The following ST3GAL2 variants were observed in gnomAD, a reference collection of about 807,000 sequenced individuals.
ST3GAL2 encodes CMP-N-acetylneuraminate-beta-galactosamide-alpha-2,3-sialyltransferase 2.
A neutral mutation model predicts 37.5 loss-of-function variants in ST3GAL2; 16 were observed. The ratio of observed to expected loss-of-function variants is 0.43; its 90% CI spans 0.29 to 0.65. The LOEUF (loss-of-function observed/expected upper bound fraction) is 0.65. ST3GAL2 is among the 30% of genes least tolerant of loss of function. The probability of loss-of-function intolerance (pLI) is 0.17; values close to 1 mark genes in which losing one functional copy is unlikely to be tolerated. For missense variants in ST3GAL2, 383 were observed against 487.8 expected (o/e 0.79, Z 2.02); for synonymous variants, 238 against 202.9 (o/e 1.17, Z -1.47).
chr16:70,419,893 AAT>A (rs1405895203), intron 1 of ST3GAL2, among the ~76,000 whole-genome samples: 7 of 152,142 alleles, frequency 4.6e-5, no homozygotes, highest in African/African-American at 1.7e-4. Flanking sequence ...GGGGCCAGGC[AAT>A]ATGATGACAG....
intron 1 of ST3GAL2, among the ~76,000 whole-genome samples, chr16:70,426,452 G>A (rs147181111): frequency 1.5e-3 from 229 of 151,582 alleles, no homozygotes; most frequent in Non-Finnish European, 2.6e-3. Context: ...CGCCTGCCTC[G>A]GCCTCCCAAA....
rs540400494 is a variant in ST3GAL2, at chr16:70,395,001, C to T, written c.514G>A (p.Gly172Arg). 59 of 1,613,438 alleles carry T rather than the reference C, an allele frequency of 3.7e-5. No individual in the cohort carries two copies. Among genetic ancestry groups the T allele is most frequent in the Non-Finnish European group, 4.3e-5 (51 of 1,179,828 alleles). ...GCTCACCTCATGATGAAGTTGTGCC[C>T]GTCCACGTCCTGCCCATAGCCAGAG... ...RGSGYGQDVD[G>R]HNFIMRMNQA... The change falls in exon 3 of 7, where the codon GGG becomes AGG. Residue 172 changes from glycine to arginine, a missense_variant. Gly to Arg is a moderately radical substitution (Grantham distance 125, BLOSUM62 -2). Transcript: ENST00000342907.
rs2047847907 is a variant in ST3GAL2 at position 70,438,940 on chromosome 16, C to A, written c.-1004+9G>T. On this transcript the variant is annotated intron_variant, in intron 1 of 6. Transcript: ENST00000342907. ...CTGCATCCCGCCCGCCCTCATCCCA[C>A]CCGCGCACCTCAGTCAGCGCCCGGC... is the stretch of plus-strand genomic sequence containing the variant. The A allele has an allele frequency of 6.7e-6, 1 of 150,240 alleles. No homozygotes were observed. Among genetic ancestry groups the A allele is most frequent in the Non-Finnish European group, 1.5e-5 (1 of 66,988 alleles). The allele number at this position is 150,240 out of a possible 1,614,324, so 9.3% of individuals were successfully genotyped here.
At chr16:70,438,653 G>A (rs1299479172) in intron 1 of ST3GAL2, among the ~76,000 whole-genome samples, 1 of 152,026 alleles carries the variant, frequency 6.6e-6, no homozygotes, top group African/African-American at 2.4e-5. Flanking sequence ...TCCGAGGGCT[G>A]GGGCTGGGGC....
chr16:70,392,484 G>A (rs2047488455), intron 3 of ST3GAL2, among the ~76,000 whole-genome samples: 1 of 152,208 alleles, frequency 6.6e-6, no homozygotes, highest in Non-Finnish European at 1.5e-5. Flanking sequence ...GATGTTGGCT[G>A]CCTAGTCCCC....
At chr16:70,426,156 T>G (rs1373527183) in intron 1 of ST3GAL2, among the ~76,000 whole-genome samples, 1 of 151,248 alleles carries the variant, frequency 6.6e-6, no homozygotes, top group African/African-American at 2.4e-5. Context: ...TTGCTCATCT[T>G]GCAATGCATT....
chr16:70,382,508 T>A (rs1301870011), intron 6 of ST3GAL2, among the ~76,000 whole-genome samples: 1 of 152,060 alleles, frequency 6.6e-6, no homozygotes, highest in Non-Finnish European at 1.5e-5. Context: ...GGTCTTGAAC[T>A]CCTGACCTCA....
chr16:70,404,390 TG>T (rs1339542154), intron 1 of ST3GAL2, among the ~76,000 whole-genome samples: 3 of 152,178 alleles, frequency 2.0e-5, no homozygotes, highest in Non-Finnish European at 4.4e-5. Context: ...AGGGCAGTGG[TG>T]ACCTTCACAA....
At chr16:70,386,483 G>A (rs901688358) in intron 4 of ST3GAL2, among the ~76,000 whole-genome samples, 3 of 151,900 alleles carry the variant, frequency 2.0e-5, no homozygotes, top group East Asian at 1.9e-4. Flanking sequence ...GACTCACCAC[G>A]CCTGGCCGGC....
chr16:70,438,642 T>G (rs1342894540), intron 1 of ST3GAL2, among the ~76,000 whole-genome samples: 1 of 151,380 alleles, frequency 6.6e-6, no homozygotes, highest in Non-Finnish European at 1.5e-5. Context: ...CAGAGAGCTC[T>G]TCCGAGGGCT....
intron 1 of ST3GAL2, among the ~76,000 whole-genome samples, chr16:70,401,728 C>T (rs2047556671): frequency 6.6e-6 from 1 of 152,154 alleles, no homozygotes; most frequent in Non-Finnish European, 1.5e-5. Flanking sequence ...CCCAATGGCT[C>T]ATGCCTATAA....
intron 4 of ST3GAL2, among the ~76,000 whole-genome samples, chr16:70,383,885 C>A (rs2047423720): frequency 6.6e-6 from 1 of 151,528 alleles, no homozygotes; most frequent in Admixed American, 6.6e-5. Context: ...TGGGGCCTTC[C>A]CTAGACCAGC....
In ST3GAL2 at chr16:70,381,629, T is replaced by TCCCGGGC; in HGVS notation, c.*53_*59dup. ...TTGGTCGCGGGTTGCTGGTCCTGGG[T>TCCCGGGC]CCCGGGCCGGAGCCCCGGTGCCCGA... On this transcript the variant is annotated 3_prime_UTR_variant, in exon 7 of 7. Transcript: ENST00000342907. 1 of 1,578,534 alleles carries TCCCGGGC rather than the reference T, an allele frequency of 6.3e-7. No homozygotes were observed. The highest frequency in any genetic ancestry group is 8.6e-7 in the Non-Finnish European group (1 of 1,162,730).
chr16:70,434,611 T>C (rs563696935), intron 1 of ST3GAL2, among the ~76,000 whole-genome samples: 71 of 142,432 alleles, frequency 5.0e-4, no homozygotes, highest in Middle Eastern at 3.4e-3. Flanking sequence ...GTAAGTTCTG[T>C]AAGTCTCAGT....
chr16:70,394,794 C>T (rs939293925), intron 3 of ST3GAL2, among the ~76,000 whole-genome samples, 188 bp downstream of exon 3: 17 of 152,238 alleles, frequency 1.1e-4, no homozygotes, highest in Admixed American at 3.3e-4. Flanking sequence ...ATTTGGGATT[C>T]TGTCTCCCCA....
intron 1 of ST3GAL2, among the ~76,000 whole-genome samples, chr16:70,430,484 G>A (rs1567678491): frequency 6.6e-6 from 1 of 152,220 alleles, no homozygotes; most frequent in Non-Finnish European, 1.5e-5. Flanking sequence ...TGCTTCCCAT[G>A]CCACAGCCTC....
rs201715178 is a variant in ST3GAL2, at chr16:70,388,399, G to A, written c.681C>T (p.Ile227=). 3.2e-5 allele frequency: 51 copies of A among 1,614,168 alleles called. No individual in the cohort carries two copies. Among genetic ancestry groups the A allele is most frequent in the African/African-American group, 5.3e-5 (4 of 75,034 alleles). ...TCTGCCCCGTGGACAAGGCGCTGGC[G>A]ATCCACAGAAGGTCCAGGACCTTGA... ...VPFKVLDLLW[I]ASALSTGQIR... Residue 227 remains isoleucine (I), a synonymous_variant, in exon 4 of 7, where the codon ATC becomes ATT. Coordinates refer to ENST00000342907, the MANE Select transcript of ST3GAL2 (RefSeq NM_006927.4).
At chr16:70,418,205 T>C (rs367870275) in intron 1 of ST3GAL2, among the ~76,000 whole-genome samples, 2 of 152,190 alleles carry the variant, frequency 1.3e-5, no homozygotes, top group South Asian at 2.1e-4. Flanking sequence ...ACTGACCCCT[T>C]AGCCAAGCCC....
intron 1 of ST3GAL2, among the ~76,000 whole-genome samples, chr16:70,424,088 G>A (rs1052829894): frequency 2.5e-4 from 37 of 150,068 alleles, no homozygotes; most frequent in Admixed American, 1.3e-4. Flanking sequence ...AACAAAAAAA[G>A]CCATTCTCCT....
Sources: gnomAD v4.1 joint callset for allele counts (sites outside exome capture counted in the v4.1 genomes callset) on GRCh38, gnomAD v4.1.1 for gene constraint, MANE v1.5 for transcripts, NCBI Gene and HGNC (gene_info 2026-07-23, HGNC 2026-07-21) for gene names.